Variants in BRWD3 observed in about 807,000 individuals in gnomAD.
BRWD3 encodes bromodomain and WD repeat-containing protein 3.
In BRWD3, 10 loss-of-function variants were observed where a neutral mutation model predicts 149.7. The observed-to-expected ratio is 0.07, with a 90% CI of 0.04 to 0.11. The LOEUF is 0.11. BRWD3 is among the 10% of genes least tolerant of loss of function. The probability of loss-of-function intolerance (pLI) is 1.00; values close to 1 mark genes in which losing one functional copy is unlikely to be tolerated. For missense variants in BRWD3, 940 were observed against 1,373.2 expected, an observed-to-expected ratio of 0.68 and a Z score of 4.99; for synonymous variants, 504 against 456.7, an observed-to-expected ratio of 1.10 and a Z score of -1.32.
At chrX:80,698,591 C>T (rs1025844867) in intron 25 of BRWD3, among the ~76,000 whole-genome samples, 1 of 109,878 alleles carries the variant, frequency 9.1e-6, no homozygotes, top group Admixed American at 9.8e-5. Context: ...TGCATGTAAT[C>T]CCAGTTACTC....
chrX:80,713,390 A>T (rs778468070), intron 20 of BRWD3, among the ~76,000 whole-genome samples: 1 of 112,077 alleles, frequency 8.9e-6, no homozygotes, highest in Admixed American at 9.4e-5. Context: ...TATGACCTTA[A>T]CCCCAACCCT....
At chrX:80,795,832 G>T (rs1238031814) in intron 4 of BRWD3, among the ~76,000 whole-genome samples, 1 of 110,971 alleles carries the variant, frequency 9.0e-6, no homozygotes, top group Non-Finnish European at 1.9e-5. Flanking sequence ...TCGGGAGACT[G>T]CAGTGGGAGG....
Position 80,744,532 on chromosome X carries a change from G to C in BRWD3, c.592-279C>G, listed in dbSNP as rs139689017. The stretch of plus-strand genomic sequence containing the variant: ...AAATATTTTAAACTCACTTTTTAGT[G>C]ATTTGGCATTAAGTATTTTTACCAT... On this transcript the variant is annotated intron_variant, in intron 7 of 40. Transcript: ENST00000373275. 1.6e-3 allele frequency among the ~76,000 whole-genome samples: 181 copies of C among 112,086 alleles called. 2 individuals are homozygous for C. The East Asian group carries it at 0.031, about 19-fold the overall frequency.
rs1224890041 is a variant in BRWD3, at chrX:80,717,777, A to G, written c.2045-18T>C. The G allele has an allele frequency of 8.3e-7, 1 of 1,200,893 alleles. No individual in the cohort carries two copies. Among genetic ancestry groups the G allele is most frequent in the Admixed American group, 2.2e-5 (1 of 45,924 alleles). On this transcript the variant is annotated intron_variant, in intron 18 of 40. Transcript: ENST00000373275. Reference sequence around the variant, plus strand: ...TCTCAGAGCTAAAACAAAAACAAGGAAAATTATCACTTTGTGAGCAAAGGC... The same window carrying G: ...TCTCAGAGCTAAAACAAAAACAAGGGAAATTATCACTTTGTGAGCAAAGGC...
At chrX:80,782,250 T>C (rs191349375) in intron 6 of BRWD3, among the ~76,000 whole-genome samples, 2 of 111,436 alleles carry the variant, frequency 1.8e-5, no homozygotes, top group Admixed American at 1.9e-4. Flanking sequence ...AGAACACATA[T>C]TGGAAAAAGG....
intron 28 of BRWD3, 45 bp from the exon 29 acceptor site, chrX:80,692,195 C>T: frequency 9.1e-7 from 1 of 1,099,558 alleles, no homozygotes; most frequent in Non-Finnish European, 1.3e-6. Context: ...TCATATAGTA[C>T]TTCCTTTCAT....
At chrX:80,790,645 G>A (rs1218062776) in intron 6 of BRWD3, among the ~76,000 whole-genome samples, 2 of 111,327 alleles carry the variant, frequency 1.8e-5, no homozygotes, top group Non-Finnish European at 3.8e-5. Flanking sequence ...AAAAAAAAGC[G>A]AGAGAAGGGA....
chrX:80,747,205 C>T (rs771143868), intron 6 of BRWD3, among the ~76,000 whole-genome samples: 1 of 109,409 alleles, frequency 9.1e-6, no homozygotes, highest in African/African-American at 3.3e-5. Context: ...TTCTGCTTGG[C>T]TTTTGTCTCT....
chrX:80,728,633 T>A, intron 14 of BRWD3, 119 bp downstream of exon 14: 2 of 603,038 alleles, frequency 3.3e-6, no homozygotes, highest in Non-Finnish European at 5.1e-6. Flanking sequence ...TCTCAGAAAA[T>A]CATTTTTCCA....
chrX:80,795,756 G>C (rs1316549648), intron 4 of BRWD3, among the ~76,000 whole-genome samples: 1 of 106,502 alleles, frequency 9.4e-6, no homozygotes, highest in African/African-American at 3.4e-5. Flanking sequence ...GAAAATAAGT[G>C]AAAAAAAAAG....
In BRWD3 at chrX:80,707,817, T is replaced by A. The variant is rs777907667; in HGVS notation, c.2476-314A>T. On this transcript the variant is annotated intron_variant, in intron 21 of 40. Coordinates refer to ENST00000373275, the MANE Select transcript of BRWD3 (RefSeq NM_153252.5). ...AGAAACATTGTTTTCAAAATGCCTA[T>A]ATGTCTCTGTCGAGTTAATATAATT... 2.7e-5 allele frequency among the ~76,000 whole-genome samples: 3 copies of A among 111,944 alleles called. No individual in the cohort carries two copies. The South Asian group carries it at 1.1e-3, about 42-fold the overall frequency.
intron 14 of BRWD3, among the ~76,000 whole-genome samples, chrX:80,727,111 A>G (rs2073262359): frequency 9.1e-6 from 1 of 109,532 alleles, no homozygotes; most frequent in Non-Finnish European, 1.9e-5. Flanking sequence ...ATGTCTTAAA[A>G]TTTATCATCT....
At chrX:80,762,298 A>T (rs1430763119) in intron 6 of BRWD3, among the ~76,000 whole-genome samples, 1 of 111,998 alleles carries the variant, frequency 8.9e-6, no homozygotes, top group African/African-American at 3.2e-5. Flanking sequence ...CATTTTACAT[A>T]TAACAAAACT....
rs1198997408 is a variant in BRWD3, at chrX:80,728,032, A to G, written c.1386+720T>C. ...AACTTTACATCCCTCTGATACATAA[A>G]CACCATGATATAGTATAAAGACAAC... On this transcript the variant is annotated intron_variant, in intron 14 of 40. Transcript: ENST00000373275. Among the ~76,000 whole-genome samples the G allele has an allele frequency of 9.8e-5, 11 of 111,958 alleles. No homozygotes were observed. The Admixed American group carries it at 1.0e-3, about 11-fold the overall frequency.
intron 6 of BRWD3, among the ~76,000 whole-genome samples, chrX:80,785,934 G>A (rs747466125): frequency 4.5e-5 from 5 of 112,039 alleles, no homozygotes; most frequent in South Asian, 3.7e-4. Flanking sequence ...GGAGGTTGAC[G>A]CAGGAGAATC....
intron 6 of BRWD3, among the ~76,000 whole-genome samples, chrX:80,767,259 T>A (rs952334850): frequency 1.8e-5 from 2 of 112,269 alleles, no homozygotes; most frequent in East Asian, 5.6e-4. Flanking sequence ...AGAGGTTCCC[T>A]GACCCCTGTG....
In BRWD3 at chrX:80,681,504, C is replaced by T; in HGVS notation, c.4496-5G>A. On this transcript the variant is annotated splice_polypyrimidine_tract_variant and splice_region_variant and intron_variant, in intron 39 of 40. Transcript: ENST00000373275. ...GCCCTTCAGCAGCATCTGAAACTTACATTTTAAAAGATTTTAATACTAACA... is the reference window on the plus strand; with the variant it reads ...GCCCTTCAGCAGCATCTGAAACTTATATTTTAAAAGATTTTAATACTAACA... The T allele has an allele frequency of 8.4e-7, 1 of 1,194,800 alleles. No homozygotes were observed. The highest frequency in any genetic ancestry group is 3.0e-5 in the East Asian group (1 of 33,700).
chrX:80,792,690 T>C (rs2074193921), intron 5 of BRWD3, among the ~76,000 whole-genome samples: 1 of 111,397 alleles, frequency 9.0e-6, no homozygotes, highest in South Asian at 3.7e-4. Flanking sequence ...AAACAAAACA[T>C]AGAAATAAAT....
At chrX:80,741,725 T>C (rs2073509630) in intron 8 of BRWD3, among the ~76,000 whole-genome samples, 1 of 112,263 alleles carries the variant, frequency 8.9e-6, no homozygotes, top group Non-Finnish European at 1.9e-5. Context: ...GAAGTGTCTC[T>C]TCATATCCTT....
Sources: allele counts gnomAD v4.1 joint callset (sites outside exome capture counted in the v4.1 genomes callset), GRCh38; gene constraint gnomAD v4.1.1; transcripts MANE v1.5; gene names NCBI Gene and HGNC (gene_info 2026-07-23, HGNC 2026-07-21).